Variants in ANKLE2 observed in about 807,000 individuals in gnomAD.
ANKLE2 encodes the protein ankyrin repeat and LEM domain containing 2.
In ANKLE2, 55 loss-of-function variants were observed where a neutral mutation model predicts 84.2. The observed-to-expected ratio is 0.65, with a 90% confidence interval of 0.53 to 0.82. The LOEUF (loss-of-function observed/expected upper bound fraction) is 0.82. Among genes scored for constraint, ANKLE2 ranks in the 40% least tolerant of loss-of-function variants. The pLI, the probability that ANKLE2 is intolerant of heterozygous loss-of-function variation, is 0.00. For synonymous variants in ANKLE2, 551 were observed against 486.1 expected (o/e 1.13, Z -1.76); for missense variants, 1,238 against 1,201.9 (o/e 1.03, Z -0.44).
At chr12:132,760,800 T>C (rs1162262857) in intron 1 of ANKLE2, 1 of 152,242 alleles carries the variant, frequency 6.6e-6, no homozygotes, top group African/African-American at 2.4e-5. Flanking sequence ...CATCAGCCAC[T>C]GGTGATCAAC....
At position 132,750,688 on chromosome 12, in the gene ANKLE2, A is replaced by G. The variant is rs1169243050; in HGVS notation, c.802T>C (p.Ser268Pro). Residue 268 changes from serine to proline, a missense_variant, in exon 3 of 13, where the codon TCT becomes CCT. Physicochemically the swap from Ser to Pro is moderately conservative, Grantham distance 74. Transcript: ENST00000357997. ...PSPSKTSLPL[S>P]PVKTAPLFSN... ...AAGAGTGGAGCTGTTTTCACAGGAG[A>G]CAGTGGTAAGGACGTTTTGCTTGGA... 4.3e-6 allele frequency: 7 copies of G among 1,614,230 alleles called. No individual in the cohort carries two copies. Among genetic ancestry groups the G allele is most frequent in the Non-Finnish European group, 5.9e-6 (7 of 1,180,030 alleles).
rs1033872031 is a variant in ANKLE2 at position 132,741,403 on chromosome 12, C to T, written c.1420+16G>A. The stretch of plus-strand genomic sequence containing the variant: ...GGCGTGGACCCCACGATCCAGGCAC[C>T]AACTCCCCATCTTACCCTTTAAATA... On this transcript the variant is annotated intron_variant, in intron 7 of 12. Coordinates refer to ENST00000357997, the MANE Select transcript of ANKLE2 (RefSeq NM_015114.3). The T allele has an allele frequency of 3.1e-6, 5 of 1,613,692 alleles. No individual in the cohort carries two copies. In the African/African-American group the frequency reaches 4.0e-5, roughly 13 times the overall value.
At chr12:132,732,469 T>C (rs1162398707) in intron 10 of ANKLE2, among the ~76,000 whole-genome samples, 7 of 145,998 alleles carry the variant, frequency 4.8e-5, no homozygotes, top group African/African-American at 1.8e-4. Context: ...TGCGTGCTGG[T>C]GTCTGACATG....
intron 9 of ANKLE2, 27 bp from the exon 10 acceptor site, chr12:132,734,602 A>C (rs2043969409): frequency 1.3e-6 from 2 of 1,579,216 alleles, no homozygotes; most frequent in African/African-American, 2.7e-5. Flanking sequence ...ACAATTAACC[A>C]GCTGTGAAAC....
intron 5 of ANKLE2, among the ~76,000 whole-genome samples, chr12:132,747,559 A>G (rs2044264784): frequency 6.6e-6 from 1 of 152,094 alleles, no homozygotes; most frequent in African/African-American, 2.4e-5. Context: ...TCGGCAGAGG[A>G]AATGTCCTCT....
chr12:132,730,450 A>G, intron 10 of ANKLE2, 180 bp from the exon 11 acceptor site: 1 of 552,148 alleles, frequency 1.8e-6, no homozygotes, highest in Non-Finnish European at 3.0e-6. Context: ...TGCATCCAAA[A>G]CCTCCTCATC....
chr12:132,731,406 T>C (rs2043841912), intron 10 of ANKLE2: 4 of 129,690 alleles, frequency 3.1e-5, no homozygotes, highest in African/African-American at 1.1e-4. Flanking sequence ...CTTAGTTTAA[T>C]GTATGTCAAT....
intron 5 of ANKLE2, among the ~76,000 whole-genome samples, chr12:132,744,574 C>T (rs1016517754): frequency 2.6e-5 from 4 of 152,296 alleles, no homozygotes; most frequent in South Asian, 2.1e-4. Flanking sequence ...CTCTCTCACA[C>T]GACCCCAAAA....
intron 2 of ANKLE2, 159 bp from the exon 3 acceptor site, chr12:132,751,008 A>G (rs2044343334): frequency 3.2e-6 from 2 of 623,530 alleles, no homozygotes; most frequent in African/African-American, 3.7e-5. Context: ...TAAGCTAGCC[A>G]AAATAGAACA....
chr12:132,728,778 C>T (rs890078038), intron 11 of ANKLE2, among the ~76,000 whole-genome samples: 5 of 152,292 alleles, frequency 3.3e-5, no homozygotes, highest in African/African-American at 7.2e-5. Context: ...AGGATCCACC[C>T]GCTGTTAAAA....
intron 10 of ANKLE2, among the ~76,000 whole-genome samples, chr12:132,733,271 A>G (rs1298029992): frequency 1.5e-5 from 2 of 129,372 alleles, no homozygotes; most frequent in East Asian, 2.9e-4. Flanking sequence ...GGTGTCTGAT[A>G]TGCACCGTGT....
chr12:132,750,936 TCC>T, intron 2 of ANKLE2, 87 bp from the exon 3 acceptor site: 2 of 1,194,478 alleles, frequency 1.7e-6, no homozygotes, highest in Non-Finnish European at 2.4e-6. Flanking sequence ...ACCATCAGCT[TCC>T]ACATCTGCTA....
At chr12:132,747,755 G>A (rs2044268994) in intron 5 of ANKLE2, 77 bp downstream of exon 5, 1 of 1,531,652 alleles carries the variant, frequency 6.5e-7, no homozygotes. Context: ...TGAGTAACTT[G>A]TCGATAAAGC....
intron 5 of ANKLE2, among the ~76,000 whole-genome samples, chr12:132,746,540 C>T (rs1185330321): frequency 6.6e-6 from 1 of 151,998 alleles, no homozygotes; most frequent in Non-Finnish European, 1.5e-5. Flanking sequence ...ATTTCCTGCC[C>T]ACAGAAAGTA....
rs1475711844 is a variant in ANKLE2 at position 132,726,303 on chromosome 12, C to CCAAG, written c.*935_*938dup. 2 of 152,684 alleles carry CCAAG rather than the reference C, an allele frequency of 1.3e-5. No individual in the cohort carries two copies. The highest frequency in any genetic ancestry group is 6.5e-5 in the Admixed American group (1 of 15,276). The allele number at this position is 152,684 out of a possible 1,614,324, so 9.5% of individuals were successfully genotyped here. ...AGGCTACAGTCAGCACGGCAAGAAACCAAGATGGGACTCAAACCTCTAAAT... is the reference window on the plus strand; with the variant it reads ...AGGCTACAGTCAGCACGGCAAGAAACCAAGCAAGATGGGACTCAAACCTCTAAAT... On this transcript the variant is annotated 3_prime_UTR_variant, in exon 13 of 13. Coordinates refer to ENST00000357997, the MANE Select transcript of ANKLE2 (RefSeq NM_015114.3).
intron 2 of ANKLE2, among the ~76,000 whole-genome samples, chr12:132,753,196 G>GTGAT (rs1200877031): frequency 6.6e-6 from 1 of 151,824 alleles, no homozygotes; most frequent in East Asian, 1.9e-4. Flanking sequence ...CGTGATCCCA[G>GTGAT]CGATCCCAAG....
At chr12:132,747,467 A>ATAC (rs1248264731) in intron 5 of ANKLE2, among the ~76,000 whole-genome samples, 2 of 152,076 alleles carry the variant, frequency 1.3e-5, no homozygotes, top group Non-Finnish European at 2.9e-5. Flanking sequence ...GGCTCTTGGT[A>ATAC]GGACACTGAG....
chr12:132,732,816 C>T lies in ANKLE2; in HGVS notation c.1891+1569G>A, dbSNP rs1320827735. Among the ~76,000 whole-genome samples, 45 of 86,374 alleles carry T rather than the reference C, an allele frequency of 5.2e-4. 3 individuals carry two copies. Among genetic ancestry groups the T allele is most frequent in the African/African-American group, 1.6e-3 (33 of 21,070 alleles). 56.7% of individuals were successfully genotyped at this position (86,374 alleles called of 152,430 possible). On this transcript the variant is annotated intron_variant, in intron 10 of 12. Transcript: ENST00000357997. The stretch of plus-strand genomic sequence containing the variant: ...AAGCTCTCTGCGTCCTGGTGTCTGA[C>T]GTGCACCATGTGAAGCCCTCTGCGT...
intron 1 of ANKLE2, chr12:132,759,639 A>C (rs1232160224): frequency 1.6e-5 from 2 of 126,980 alleles, no homozygotes; most frequent in Non-Finnish European, 2.9e-5. Flanking sequence ...TATTTCAGCC[A>C]TTCTCAAAAC....
Sources: gnomAD v4.1 joint callset for allele counts (sites outside exome capture counted in the v4.1 genomes callset) on GRCh38, gnomAD v4.1.1 for gene constraint, MANE v1.5 for transcripts, NCBI Gene and HGNC (gene_info 2026-07-23, HGNC 2026-07-21) for gene names.